The following COBL variants were observed in gnomAD, a reference collection of about 807,000 sequenced individuals.
COBL encodes the protein cordon-bleu WH2 repeat protein.
COBL carries 51 observed loss-of-function variants against 98.8 expected under a neutral mutation model. That is an observed-to-expected ratio of 0.52 (90% confidence interval 0.41 to 0.65). COBL has a LOEUF of 0.65. COBL is among the 30% of genes least tolerant of loss of function. The probability of loss-of-function intolerance (pLI) is 0.00; values close to 1 mark genes in which losing one functional copy is unlikely to be tolerated. For missense variants in COBL, 1,617 were observed against 1,617.5 expected (o/e 1.00, Z 0.01); for synonymous variants, 634 against 651.7 (o/e 0.97, Z 0.41).
At chr7:51,224,141 T>A (rs1227492721) in intron 1 of COBL, among the ~76,000 whole-genome samples, 5 of 152,176 alleles carry the variant, frequency 3.3e-5, no homozygotes, top group African/African-American at 1.2e-4. Context: ...AGGTGTGTAG[T>A]AGGCTCTACC....
At chr7:51,309,992 C>T (rs1268618247) in intron 1 of COBL, among the ~76,000 whole-genome samples, 2 of 152,282 alleles carry the variant, frequency 1.3e-5, no homozygotes, top group East Asian at 3.9e-4. Context: ...GCTCTCCAGG[C>T]CAAGGTGAGA....
At chr7:51,231,661 AG>A (rs1356790193) in intron 1 of COBL, among the ~76,000 whole-genome samples, 1 of 152,222 alleles carries the variant, frequency 6.6e-6, no homozygotes, top group Non-Finnish European at 1.5e-5. Flanking sequence ...GGAAGCAGGT[AG>A]CTGCTGCAGG....
intron 1 of COBL, among the ~76,000 whole-genome samples, chr7:51,252,291 C>T (rs1223089778): frequency 3.3e-5 from 5 of 152,126 alleles, no homozygotes; most frequent in African/African-American, 7.2e-5. Context: ...CACTGAGTTG[C>T]GGGACCATCA....
intron 2 of COBL, among the ~76,000 whole-genome samples, chr7:51,212,323 G>A (rs1382637078): frequency 1.4e-4 from 21 of 152,170 alleles, no homozygotes; most frequent in Non-Finnish European, 8.8e-5. Flanking sequence ...GACAAGAAAC[G>A]GAGAGCCTGT....
intron 7 of COBL, among the ~76,000 whole-genome samples, chr7:51,074,237 C>A (rs1247566164): frequency 8.1e-6 from 1 of 123,440 alleles, no homozygotes; most frequent in African/African-American, 3.0e-5. Context: ...CGCTCTGTTG[C>A]CAGGCTAGAG....
intron 5 of COBL, among the ~76,000 whole-genome samples, chr7:51,163,762 T>C (rs562635644): frequency 2.6e-5 from 4 of 152,218 alleles, no homozygotes; most frequent in Non-Finnish European, 5.9e-5. Flanking sequence ...GGCATGAACA[T>C]TGCTTTCATC....
At chr7:51,243,202 T>G (rs1359203045) in intron 1 of COBL, among the ~76,000 whole-genome samples, 2 of 152,188 alleles carry the variant, frequency 1.3e-5, no homozygotes, top group African/African-American at 2.4e-5. Flanking sequence ...TGGACGCTAT[T>G]CCATGAAGCT....
At chr7:51,228,785 C>T (rs1359780223) in intron 1 of COBL, among the ~76,000 whole-genome samples, 1 of 152,128 alleles carries the variant, frequency 6.6e-6, no homozygotes, top group African/African-American at 2.4e-5. Context: ...AAGAGCCTGT[C>T]GGTGAGGATC....
Position 51,203,246 on chromosome 7 carries a change from AGGTCAG to A in COBL, c.246-9663_246-9658del. Among the ~76,000 whole-genome samples, 15 of 122,532 alleles carry A rather than the reference AGGTCAG, an allele frequency of 1.2e-4. 1 individual carries two copies. Among genetic ancestry groups the A allele is most frequent in the Admixed American group, 3.1e-4 (4 of 12,752 alleles). 80.4% of individuals were successfully genotyped at this position (122,532 alleles called of 152,430 possible). A position where few individuals can be genotyped will look rare whatever the true frequency, so the allele number is the denominator to read the frequency against. On this transcript the variant is annotated intron_variant, in intron 2 of 12. Transcript: ENST00000265136. ...GGGAGGCCGAGGCGGGCGGATCACG[AGGTCAG>A]GAGATCGAGACCATCCTGGCTAACA...
At chr7:51,223,095 C>T (rs1267908203) in intron 1 of COBL, among the ~76,000 whole-genome samples, 1 of 152,310 alleles carries the variant, frequency 6.6e-6, no homozygotes, top group Non-Finnish European at 1.5e-5. Flanking sequence ...GAGCAGCCTG[C>T]GAGGGCTGTT....
At chr7:51,201,492 T>A (rs537354503) in intron 2 of COBL, among the ~76,000 whole-genome samples, 1 of 152,150 alleles carries the variant, frequency 6.6e-6, no homozygotes, top group South Asian at 2.1e-4. Flanking sequence ...GAGACAGCAA[T>A]ACAATAATAA....
In COBL at chr7:51,029,483, G is replaced by T; in HGVS notation, c.1613C>A (p.Ala538Glu). The change falls in exon 10 of 13, where the codon GCA (alanine) becomes GAA (glutamate). Residue 538 changes from alanine (A) to glutamate (E), a missense_variant. Coordinates refer to ENST00000265136, the MANE Select transcript of COBL (RefSeq NM_015198.5). ...DAMIPHGDTD[A>E]IPVTFIGEVS... ...TTCCCCTATGAATGTTACTGGGATT[G>T]CATCTGTGTCGCCGTGAGGGATCAT... The T allele has an allele frequency of 6.2e-7, 1 of 1,614,166 alleles. No individual in the cohort carries two copies. Among genetic ancestry groups the T allele is most frequent in the Middle Eastern group, 1.6e-4 (1 of 6,062 alleles).
intron 3 of COBL, among the ~76,000 whole-genome samples, chr7:51,191,849 G>A (rs1239518186): frequency 1.3e-5 from 2 of 152,096 alleles, no homozygotes. Flanking sequence ...CTGTAGAGCT[G>A]GACACAGTAA....
At position 51,294,335 on chromosome 7, in the gene COBL, T is replaced by TAAATAA. The variant is rs1801203709; in HGVS notation, c.41+22252_41+22257dup. ...AAATAAATAAATAAATAAATAAAAA[T>TAAATAA]AAATAAATAAATAAAAGGCAGGGCG... On this transcript the variant is annotated intron_variant, in intron 1 of 12. Transcript: ENST00000265136. 1.7e-4 allele frequency among the ~76,000 whole-genome samples: 23 copies of TAAATAA among 133,120 alleles called. No homozygotes were observed. The South Asian group carries it at 2.7e-3, about 16-fold the overall frequency. The allele number at this position is 133,120 out of a possible 152,430, so 87.3% of individuals were successfully genotyped here.
At chr7:51,305,973 T>A (rs1363327604) in intron 1 of COBL, among the ~76,000 whole-genome samples, 2 of 151,872 alleles carry the variant, frequency 1.3e-5, no homozygotes, top group East Asian at 3.9e-4. Flanking sequence ...GAGATAGAGG[T>A]TGCAGTGAGC....
chr7:51,154,887 T>C (rs1562971939), intron 5 of COBL, among the ~76,000 whole-genome samples: 1 of 152,224 alleles, frequency 6.6e-6, no homozygotes, highest in Non-Finnish European at 1.5e-5. Context: ...ATATAAAGTA[T>C]TAACAAACTG....
intron 7 of COBL, among the ~76,000 whole-genome samples, chr7:51,045,898 G>A (rs953240017): frequency 4.6e-5 from 7 of 152,202 alleles, no homozygotes; most frequent in African/African-American, 1.7e-4. Flanking sequence ...GTGCACACAC[G>A]TGTTAAACCA....
At chr7:51,107,986 C>A (rs189868092) in intron 6 of COBL, among the ~76,000 whole-genome samples, 1 of 152,164 alleles carries the variant, frequency 6.6e-6, no homozygotes, top group African/African-American at 2.4e-5. Flanking sequence ...TGCAGCCCAC[C>A]CTCTCCCTCA....
At chr7:51,253,146 C>T (rs1563091222) in intron 1 of COBL, among the ~76,000 whole-genome samples, 1 of 152,106 alleles carries the variant, frequency 6.6e-6, no homozygotes, top group African/African-American at 2.4e-5. Context: ...ACTGCTTGAA[C>T]CCAGGAGGCG....
Sources: gnomAD v4.1 joint callset for allele counts (sites outside exome capture counted in the v4.1 genomes callset) on GRCh38, gnomAD v4.1.1 for gene constraint, MANE v1.5 for transcripts, NCBI Gene and HGNC (gene_info 2026-07-23, HGNC 2026-07-21) for gene names.